CCDC57: variants seen among roughly 807,000 people sequenced by gnomAD.
CCDC57 encodes coiled-coil domain containing 57.
CCDC57 carries 118 observed loss-of-function variants against 118.9 expected under a neutral mutation model. The observed-to-expected ratio is 0.99, with a 90% CI of 0.86 to 1.16. The LOEUF is 1.16. Among genes scored for constraint, CCDC57 ranks in the 50% most tolerant of loss-of-function variants. The pLI is 0.00. For synonymous variants in CCDC57, 527 were observed against 532.9 expected (o/e 0.99, Z 0.15); for missense variants, 1,300 against 1,320.7 (o/e 0.98, Z 0.24).
chr17:82,137,050 G>C (rs2039301356), intron 16 of CCDC57, among the ~76,000 whole-genome samples: 2 of 95,690 alleles, frequency 2.1e-5, no homozygotes, highest in African/African-American at 8.0e-5. Context: ...GTCTTGCTCT[G>C]TCATCCAGGC....
chr17:82,201,850 T>C, exon 3 of CCDC57: 1 of 1,613,466 alleles, frequency 6.2e-7, no homozygotes, highest in Non-Finnish European at 8.5e-7. Context: ...AGCCGCCTCC[T>C]GCAGCTGGGT....
At chr17:82,145,118 G>A (rs1244036333) in intron 16 of CCDC57, among the ~76,000 whole-genome samples, 4 of 149,842 alleles carry the variant, frequency 2.7e-5, no homozygotes, top group African/African-American at 7.3e-5. Context: ...CACCTCTCGG[G>A]TTCGAGATTC....
chr17:82,206,763 C>T (rs1434974332), intron 2 of CCDC57, among the ~76,000 whole-genome samples: 3 of 152,156 alleles, frequency 2.0e-5, no homozygotes, highest in Admixed American at 6.5e-5. Flanking sequence ...TCAGAAGTTC[C>T]GGAGGCCAGG....
intron 2 of CCDC57, among the ~76,000 whole-genome samples, chr17:82,206,658 C>T (rs533644523): frequency 2.6e-5 from 4 of 152,142 alleles, no homozygotes; most frequent in Non-Finnish European, 5.9e-5. Flanking sequence ...AACTGTTACA[C>T]GTATGTGTTT....
intron 19 of CCDC57, chr17:82,126,671 G>T (rs1486101463): frequency 1.5e-5 from 15 of 985,258 alleles, no homozygotes; most frequent in Admixed American, 1.2e-4. Flanking sequence ...GGTGGCGGAG[G>T]CTGAGGCGAT....
At chr17:82,175,911 C>T (rs758627517) in intron 11 of CCDC57, among the ~76,000 whole-genome samples, 2 of 152,206 alleles carry the variant, frequency 1.3e-5, no homozygotes, top group Non-Finnish European at 2.9e-5. Context: ...CTTTATGGCT[C>T]AAACCAACAG....
intron 19 of CCDC57, chr17:82,127,207 G>A (rs1598736374): frequency 8.1e-6 from 8 of 985,290 alleles, no homozygotes; most frequent in Non-Finnish European, 8.4e-6. Context: ...ATGAGGATGC[G>A]GCTGACACTT....
intron 16 of CCDC57, among the ~76,000 whole-genome samples, chr17:82,138,634 A>AGTCAGAAGAGACGCATGGCCTGCCCCGG (rs2039591084): frequency 9.2e-6 from 1 of 108,244 alleles, no homozygotes; most frequent in Non-Finnish European, 2.2e-5. Context: ...AAGACTGCCG[A>AGTCAGAAGAGACGCATGGCCTGCCCCGG]GTCGGAAGAG....
chr17:82,201,548 G>A lies in CCDC57; in HGVS notation c.397C>T (p.Arg133Cys), dbSNP rs192389996. The change falls in exon 3 of 20, where the codon CGC becomes TGC. Residue 133 changes from arginine to cysteine, a missense_variant. By Grantham distance (180) the Arg-to-Cys change is radical. Coordinates refer to ENST00000665763, the Ensembl canonical transcript of CCDC57. ...CGGTCGGTGGCTCACCTGTGGACGC[G>A]CTCCAGCTCCAGGCGATGCTCCTGG... is the stretch of plus-strand genomic sequence containing the variant. The A allele has an allele frequency of 9.8e-5, 157 of 1,604,322 alleles. No individual in the cohort carries two copies. In the African/African-American group the frequency reaches 1.6e-3, roughly 17 times the overall value.
chr17:82,188,236 C>T (rs2047220566), exon 8 of CCDC57: 4 of 1,555,204 alleles, frequency 2.6e-6, no homozygotes, highest in Non-Finnish European at 3.5e-6. Flanking sequence ...TGGCAGCGTC[C>T]TTCTCCTTGG....
At position 82,195,256 on chromosome 17, in the gene CCDC57, C is replaced by G. The variant is rs1202328088; in HGVS notation, c.618+7G>C. On this transcript the variant is annotated splice_region_variant and intron_variant, in intron 5 of 19. Coordinates refer to ENST00000665763, the Ensembl canonical transcript of CCDC57. ...AACCTTCACGACCCAAGGGTGCCCC[C>G]AGTTACCTTAAGCTCCCGGGACAAG... The G allele has an allele frequency of 1.9e-6, 3 of 1,579,994 alleles. No individual in the cohort carries two copies. Among genetic ancestry groups the G allele is most frequent in the Non-Finnish European group, 2.6e-6 (3 of 1,162,446 alleles).
At chr17:82,194,281 C>A in intron 5 of CCDC57, 142 bp from the exon 5 acceptor site, 1 of 822,628 alleles carries the variant, frequency 1.2e-6, no homozygotes. Flanking sequence ...TGAGAATGTC[C>A]TAACACAACT....
intron 13 of CCDC57, among the ~76,000 whole-genome samples, chr17:82,165,147 T>C (rs2043819567): frequency 6.6e-6 from 1 of 152,210 alleles, no homozygotes; most frequent in African/African-American, 2.4e-5. Flanking sequence ...AGAGCGAGAC[T>C]GTGTCTCATT....
chr17:82,124,688 TG>T (rs1568176820), intron 19 of CCDC57, among the ~76,000 whole-genome samples: 1 of 151,846 alleles, frequency 6.6e-6, no homozygotes, highest in African/African-American at 2.4e-5. Context: ...CCCAGCTACT[TG>T]GGAGGCTGAG....
chr17:82,150,136 C>A (rs1311843315), intron 16 of CCDC57, among the ~76,000 whole-genome samples: 6 of 145,496 alleles, frequency 4.1e-5, no homozygotes, highest in Non-Finnish European at 6.0e-5. Context: ...CAGAACCAGG[C>A]GCACACCCAG....
At chr17:82,122,015 G>A (rs1315993062) in intron 19 of CCDC57, among the ~76,000 whole-genome samples, 1 of 152,108 alleles carries the variant, frequency 6.6e-6, no homozygotes, top group Non-Finnish European at 1.5e-5. Context: ...CCTGCAGCAC[G>A]GCCTCGGCCC....
At chr17:82,134,101 C>T in exon 17 of CCDC57, 1 of 1,418,792 alleles carries the variant, frequency 7.0e-7, no homozygotes, top group South Asian at 1.6e-5. Context: ...CTGCACCTGT[C>T]CCAAAGGTGG....
chr17:82,157,891 C>T, exon 15 of CCDC57: 1 of 1,571,896 alleles, frequency 6.4e-7, no homozygotes, highest in Non-Finnish European at 8.6e-7. Context: ...TGTACCTGGT[C>T]CACCTCACGG....
In CCDC57 at chr17:82,108,601, A is replaced by G. The variant is rs76174621; in HGVS notation, c.2900-6735T>C. Among the ~76,000 whole-genome samples the G allele has an allele frequency of 1.0e-2, 1,518 of 152,228 alleles. 24 individuals are homozygous for G. Among genetic ancestry groups the G allele is most frequent in the African/African-American group, 0.035 (1,452 of 41,476 alleles). The stretch of plus-strand genomic sequence containing the variant: ...AGATTTTCATTCACAAAAAAATCTG[A>G]CCACAAGAGCTAAACGGAAATACCT... On this transcript the variant is annotated intron_variant, in intron 19 of 19. Coordinates refer to ENST00000665763, the Ensembl canonical transcript of CCDC57.
Sources: allele counts gnomAD v4.1 joint callset (sites outside exome capture counted in the v4.1 genomes callset), GRCh38; gene constraint gnomAD v4.1.1; transcripts MANE v1.5; gene names NCBI Gene and HGNC (gene_info 2026-07-23, HGNC 2026-07-21).